Variants in CIT observed in about 807,000 individuals in gnomAD.
The protein encoded by CIT is citron rho-interacting serine/threonine kinase.
A neutral mutation model predicts 272.7 loss-of-function variants in CIT; 79 were observed. That is an observed-to-expected ratio of 0.29 (90% CI 0.24 to 0.35). The LOEUF (loss-of-function observed/expected upper bound fraction) is 0.35. Ranked by LOEUF, CIT falls within the 10% of genes least tolerant of loss-of-function variation. CIT has a pLI of 1.00. For synonymous variants in CIT, 948 were observed against 995.6 expected, an observed-to-expected ratio of 0.95 and a Z score of 0.90; for missense variants, 1,909 against 2,618.3, an observed-to-expected ratio of 0.73 and a Z score of 5.91.
intron 24 of CIT, among the ~76,000 whole-genome samples, chr12:119,741,221 C>T (rs965540428): frequency 1.3e-5 from 2 of 150,986 alleles, no homozygotes; most frequent in Non-Finnish European, 2.9e-5. Flanking sequence ...AACATTTAAG[C>T]GAAAAAAAAA....
chr12:119,844,630 GA>G (rs1969662186), intron 5 of CIT, among the ~76,000 whole-genome samples: 1 of 152,108 alleles, frequency 6.6e-6, no homozygotes, highest in South Asian at 2.1e-4. Context: ...GCTTTTATGT[GA>G]AAACTATACC....
intron 9 of CIT, among the ~76,000 whole-genome samples, chr12:119,821,397 G>A (rs962049589): frequency 9.2e-5 from 14 of 152,270 alleles, no homozygotes; most frequent in East Asian, 3.9e-4. Flanking sequence ...TAATTTATAA[G>A]TTAAGCTTTA....
chr12:119,699,702 G>C (rs2136971217), intron 44 of CIT: 1 of 427,336 alleles, frequency 2.3e-6, no homozygotes, highest in Admixed American at 2.5e-5. Context: ...GCCTGTCTTG[G>C]GCTTTCTAGT....
chr12:119,805,606 C>CT (rs1966545423), intron 9 of CIT, among the ~76,000 whole-genome samples: 1 of 152,186 alleles, frequency 6.6e-6, no homozygotes, highest in Admixed American at 6.5e-5. Context: ...CCTAGCAGAA[C>CT]TTTATAATTC....
intron 2 of CIT, among the ~76,000 whole-genome samples, chr12:119,874,968 T>G (rs1001286722): frequency 6.6e-6 from 1 of 152,116 alleles, no homozygotes; most frequent in Non-Finnish European, 1.5e-5. Context: ...ATTGTAGTTT[T>G]AAAAAGCATC....
chr12:119,785,191 C>T, intron 10 of CIT, 126 bp from the exon 11 acceptor site: 12 of 1,010,062 alleles, frequency 1.2e-5, no homozygotes, highest in Non-Finnish European at 1.6e-5. Context: ...TCAAATAATG[C>T]CCCCTTCCCG....
chr12:119,729,836 A>G (rs1352580466), intron 27 of CIT, among the ~76,000 whole-genome samples: 2 of 152,218 alleles, frequency 1.3e-5, no homozygotes, highest in East Asian at 3.8e-4. Flanking sequence ...CATGAAAAAG[A>G]GTGTCTATGT....
intron 5 of CIT, among the ~76,000 whole-genome samples, chr12:119,837,665 T>G (rs1261167759): frequency 1.3e-5 from 2 of 152,244 alleles, no homozygotes; most frequent in African/African-American, 4.8e-5. Flanking sequence ...AGTAAGGCAC[T>G]GATTCTAAAA....
rs146519936 is a variant in CIT at position 119,861,129 on chromosome 12, A to C, written c.239-3431T>G. ...CAGCGAGACTCTGTCTCAGGAAAAA[A>C]AAAAAAAACTTCACAACTTCTCTCT... On this transcript the variant is annotated intron_variant, in intron 3 of 47. Coordinates refer to ENST00000392521, the MANE Select transcript of CIT (RefSeq NM_001206999.2). 3.6e-4 allele frequency among the ~76,000 whole-genome samples: 55 copies of C among 151,966 alleles called. 1 individual carries two copies. The East Asian group carries it at 8.7e-3, about 24-fold the overall frequency.
intron 26 of CIT, 52 bp downstream of exon 26, chr12:119,734,112 C>A: frequency 6.3e-7 from 1 of 1,575,804 alleles, no homozygotes; most frequent in Middle Eastern, 1.7e-4. Flanking sequence ...ACTCTCAGGC[C>A]GATCCTCCTG....
chr12:119,690,036 G>T lies in CIT; in HGVS notation c.6186+115C>A. 9.8e-7 allele frequency: 1 copy of T among 1,021,628 alleles called. No homozygotes were observed. The highest frequency in any genetic ancestry group is 1.3e-6 in the Non-Finnish European group (1 of 769,012). 63.3% of individuals were successfully genotyped at this position (1,021,628 alleles called of 1,614,324 possible). A position where few individuals can be genotyped will look rare whatever the true frequency, so the allele number is the denominator to read the frequency against. On this transcript the variant is annotated intron_variant, in intron 47 of 47. Coordinates refer to ENST00000392521, the MANE Select transcript of CIT (RefSeq NM_001206999.2). The surrounding 1 kb of genome is among the most constrained non-coding windows in gnomAD (Gnocchi z 6.0). ...TAAATTCCTGTGTCTCGCAAAGTCT[G>T]AATTACAGTCATGGAGTTCCTTTTT...
In CIT at chr12:119,784,182, G is replaced by T; in HGVS notation, c.1402-131C>A. ...ATTCGCCAAAAGTTAAGTTGGGATG[G>T]AAATACCATTGTTTCTTCGCCCAGG... On this transcript the variant is annotated intron_variant, in intron 11 of 47. Transcript: ENST00000392521. The surrounding 1 kb of genome is among the most constrained non-coding windows in gnomAD (Gnocchi z 4.7). 6.2e-7 allele frequency: 1 copy of T among 1,609,822 alleles called. No homozygotes were observed. Among genetic ancestry groups the T allele is most frequent in the Non-Finnish European group, 8.5e-7 (1 of 1,177,604 alleles).
At chr12:119,849,282 T>C (rs960905087) in intron 5 of CIT, among the ~76,000 whole-genome samples, 9 of 152,064 alleles carry the variant, frequency 5.9e-5, no homozygotes, top group Middle Eastern at 3.4e-3. Context: ...CAAAAATTAG[T>C]TGGGCGTGGT....
intron 10 of CIT, among the ~76,000 whole-genome samples, chr12:119,788,938 A>G (rs1378263419): frequency 6.6e-6 from 1 of 152,218 alleles, no homozygotes; most frequent in African/African-American, 2.4e-5. Flanking sequence ...AAGCTAGAGT[A>G]AGAATGCTAT....
At chr12:119,698,107 G>A (rs1407384159) in intron 44 of CIT, 53 bp from the exon 45 acceptor site, 3 of 1,538,944 alleles carry the variant, frequency 1.9e-6, no homozygotes, top group East Asian at 2.3e-5. Flanking sequence ...TGAAAAGAGG[G>A]AAAATCAAAA....
At chr12:119,846,490 T>C (rs1969812820) in intron 5 of CIT, among the ~76,000 whole-genome samples, 1 of 152,184 alleles carries the variant, frequency 6.6e-6, no homozygotes, top group Admixed American at 6.5e-5. Flanking sequence ...CTCTCAACTT[T>C]GGTCCAAAAA....
In CIT at chr12:119,877,265, G is replaced by A. The variant is rs901123075; in HGVS notation, c.-30C>T. 3.3e-5 allele frequency: 5 copies of A among 152,286 alleles called. No homozygotes were observed. The highest frequency in any genetic ancestry group is 1.2e-4 in the African/African-American group (5 of 41,466). 9.4% of individuals were successfully genotyped at this position (152,286 alleles called of 1,614,324 possible). On this transcript the variant is annotated 5_prime_UTR_variant, in exon 1 of 48. Transcript: ENST00000392521. ...CAGACTCACGCTCTGCGAACCCCCA[G>A]GTCTGCGATCTGTTCCGCCCCGCGC...
intron 32 of CIT, among the ~76,000 whole-genome samples, chr12:119,716,246 C>T (rs810831): frequency 6.6e-6 from 1 of 151,514 alleles, no homozygotes; most frequent in Non-Finnish European, 1.5e-5. Context: ...GGCATGGTGG[C>T]GCATGCCTAT....
chr12:119,815,571 T>C (rs961798896), intron 9 of CIT, among the ~76,000 whole-genome samples: 1 of 152,002 alleles, frequency 6.6e-6, no homozygotes, highest in African/African-American at 2.4e-5. Context: ...CCAAGCATAG[T>C]GGCGCATGCC....
Sources: gnomAD v4.1 joint callset for allele counts (sites outside exome capture counted in the v4.1 genomes callset) on GRCh38, gnomAD v4.1.1 for gene constraint, Gnocchi (gnomAD v3.1) non-coding constraint, MANE v1.5 for transcripts, NCBI Gene and HGNC (gene_info 2026-07-23, HGNC 2026-07-21) for gene names.